The following NINJ2 variants were observed in gnomAD, a reference collection of about 807,000 sequenced individuals.
NINJ2 encodes the protein ninjurin-2.
Under a neutral mutation model 11.7 loss-of-function variants are expected in NINJ2, and 12 were observed. That is an observed-to-expected ratio of 1.02 (90% CI 0.66 to 1.66). NINJ2 has a LOEUF of 1.66. Ranked by LOEUF, NINJ2 falls within the 40% of genes most tolerant of loss-of-function variation. The pLI is 0.00. For missense variants in NINJ2, 187 were observed against 181.8 expected (o/e 1.03, Z -0.16); for synonymous variants, 93 against 76.8 (o/e 1.21, Z -1.10).
At chr12:565,192 C>T in intron 3 of NINJ2, 25 bp downstream of exon 3, 1 of 1,576,878 alleles carries the variant, frequency 6.3e-7, no homozygotes. Context: ...GTCCCTGGAG[C>T]TGGGGTTCCT....
intron 1 of NINJ2, among the ~76,000 whole-genome samples, chr12:635,771 C>T (rs1241866653): frequency 6.6e-6 from 1 of 152,190 alleles, no homozygotes; most frequent in Non-Finnish European, 1.5e-5. Context: ...CACCAAAGGA[C>T]ACTATTAAAA....
Position 633,075 on chromosome 12 carries a change from T to G in NINJ2, c.33+30253A>C, listed in dbSNP as rs1277427820. On this transcript the variant is annotated intron_variant, in intron 1 of 3. Transcript: ENST00000305108. The surrounding 1 kb of genome is among the most constrained non-coding windows in gnomAD (Gnocchi z 4.3). ...AATATACCTCAGCCTGGCATTGGGCTTGGGGCAAAGATCTAGGACTTTCTT... is the reference window on the plus strand; with the variant it reads ...AATATACCTCAGCCTGGCATTGGGCGTGGGGCAAAGATCTAGGACTTTCTT... 6.6e-6 allele frequency among the ~76,000 whole-genome samples: 1 copy of G among 152,192 alleles called. No homozygotes were observed. Among genetic ancestry groups the G allele is most frequent in the Admixed American group, 6.5e-5 (1 of 15,280 alleles).
chr12:663,252 A>G, intron 1 of NINJ2, 76 bp downstream of exon 1: 1 of 1,344,318 alleles, frequency 7.4e-7, no homozygotes. Flanking sequence ...CAAGTGACTA[A>G]AGTATCAATC....
At chr12:611,655 GGCAT>G (rs1327757050) in intron 1 of NINJ2, among the ~76,000 whole-genome samples, 2 of 152,218 alleles carry the variant, frequency 1.3e-5, no homozygotes, top group African/African-American at 4.8e-5. Context: ...TTCTTGAAGT[GGCAT>G]AAAAGTAAGA....
chr12:642,357 G>C (rs1028391130), intron 1 of NINJ2, among the ~76,000 whole-genome samples: 4 of 152,042 alleles, frequency 2.6e-5, no homozygotes, highest in African/African-American at 9.7e-5. Context: ...CAGCCTCCAG[G>C]GTAGCTGGGA....
chr12:653,842 A>T (rs1204028669), intron 1 of NINJ2, among the ~76,000 whole-genome samples: 3 of 152,208 alleles, frequency 2.0e-5, no homozygotes, highest in African/African-American at 7.2e-5. Context: ...AATTGTCAGG[A>T]TGGACACAAA....
At chr12:634,303 G>A (rs959800669) in intron 1 of NINJ2, among the ~76,000 whole-genome samples, 2 of 80,444 alleles carry the variant, frequency 2.5e-5, no homozygotes, top group East Asian at 5.2e-4. Flanking sequence ...ACTGTCTCCC[G>A]GGCTGGAGTA....
chr12:663,322 A>G lies in NINJ2; in HGVS notation c.33+6T>C, dbSNP rs1281636171. 1 of 1,613,860 alleles carries G rather than the reference A, an allele frequency of 6.2e-7. No individual in the cohort carries two copies. Among genetic ancestry groups the G allele is most frequent in the Non-Finnish European group, 8.5e-7 (1 of 1,179,836 alleles). Reference sequence around the variant, plus strand: ...TCCCCTCTGCTCTCTTCCAGAGAGAACTTACTTGAAGGTCGATGTTTTCTC... The same window carrying G: ...TCCCCTCTGCTCTCTTCCAGAGAGAGCTTACTTGAAGGTCGATGTTTTCTC... On this transcript the variant is annotated splice_donor_region_variant and intron_variant, in intron 1 of 3. Transcript: ENST00000305108.
intron 1 of NINJ2, among the ~76,000 whole-genome samples, chr12:650,568 G>A (rs1272492894): frequency 6.6e-6 from 1 of 152,034 alleles, no homozygotes; most frequent in African/African-American, 2.4e-5. Flanking sequence ...GCGTGGTGGC[G>A]GGTGCCTGTA....
At chr12:610,436 C>A in intron 1 of NINJ2, 1 of 1,535,408 alleles carries the variant, frequency 6.5e-7, no homozygotes, top group Non-Finnish European at 8.7e-7. Context: ...GAAGTCTCAA[C>A]GGAAAATGAG....
intron 1 of NINJ2, among the ~76,000 whole-genome samples, chr12:624,463 T>C (rs1286515965): frequency 2.0e-5 from 3 of 152,128 alleles, no homozygotes; most frequent in Non-Finnish European, 4.4e-5. Flanking sequence ...TTCAAGGAGC[T>C]TGCCGTCTAG....
At chr12:638,364 A>C (rs1948377282) in intron 1 of NINJ2, among the ~76,000 whole-genome samples, 1 of 152,210 alleles carries the variant, frequency 6.6e-6, no homozygotes. Context: ...TTTCCTATTA[A>C]ATCCGATCTT....
chr12:630,424 G>C (rs1948265075), intron 1 of NINJ2, among the ~76,000 whole-genome samples: 1 of 152,096 alleles, frequency 6.6e-6, no homozygotes, highest in African/African-American at 2.4e-5. Flanking sequence ...GCCCAGGCTG[G>C]AGTGCAGTGG....
chr12:608,347 C>T (rs1947966170), intron 1 of NINJ2, among the ~76,000 whole-genome samples: 1 of 152,200 alleles, frequency 6.6e-6, no homozygotes, highest in Non-Finnish European at 1.5e-5. Context: ...CAATAAAAGC[C>T]TAATGTTACC....
At chr12:583,973 C>T (rs999380743) in intron 1 of NINJ2, among the ~76,000 whole-genome samples, 13 of 152,048 alleles carry the variant, frequency 8.5e-5, no homozygotes, top group Non-Finnish European at 1.6e-4. Flanking sequence ...TATTAAGCAT[C>T]GTCTTGAGGC....
In NINJ2 at chr12:566,035, G is replaced by T; in HGVS notation, c.177C>A (p.Ser59=). Residue 59 remains serine (S), a synonymous_variant, in exon 2 of 4, where the codon TCC becomes TCA. Coordinates refer to ENST00000305108, the MANE Select transcript of NINJ2 (RefSeq NM_016533.6). The stretch of plus-strand genomic sequence containing the variant: ...TGACCAGGGTGGTGTAGTAGTGAGA[G>T]GATGGTCCCTGCTCCAGCACCGCCT... The part of the protein sequence containing the change: ...RLKAVLEQGP[S]SHYYTTLVTL... 6.2e-7 allele frequency: 1 copy of T among 1,614,214 alleles called. No homozygotes were observed. Among genetic ancestry groups the T allele is most frequent in the East Asian group, 2.2e-5 (1 of 44,876 alleles).
At chr12:603,327 A>T (rs1252874800) in intron 1 of NINJ2, among the ~76,000 whole-genome samples, 1 of 152,242 alleles carries the variant, frequency 6.6e-6, no homozygotes, top group Non-Finnish European at 1.5e-5. Flanking sequence ...CAAGTCCCTT[A>T]TAAGATATAT....
intron 1 of NINJ2, among the ~76,000 whole-genome samples, chr12:569,857 C>T (rs1053805784): frequency 2.0e-5 from 3 of 152,214 alleles, no homozygotes; most frequent in African/African-American, 7.2e-5. Context: ...GCGGGGCCGA[C>T]TCGGGCCTGC....
chr12:573,447 A>G (rs751697131), intron 1 of NINJ2, among the ~76,000 whole-genome samples: 4 of 152,086 alleles, frequency 2.6e-5, no homozygotes, highest in Non-Finnish European at 4.4e-5. Flanking sequence ...GTGGTGCCGC[A>G]TGCCTATTGC....
Sources: allele counts gnomAD v4.1 joint callset (sites outside exome capture counted in the v4.1 genomes callset), GRCh38; gene constraint gnomAD v4.1.1; non-coding constraint Gnocchi (gnomAD v3.1); transcripts MANE v1.5; gene names NCBI Gene and HGNC (gene_info 2026-07-23, HGNC 2026-07-21).